Variants in RRP7A observed in about 807,000 individuals in gnomAD.
The protein encoded by RRP7A is ribosomal RNA-processing protein 7 homolog A.
RRP7A carries 27 observed loss-of-function variants against 38.4 expected under a neutral mutation model. The observed-to-expected ratio is 0.70, with a 90% CI of 0.52 to 0.97. The LOEUF (loss-of-function observed/expected upper bound fraction) is 0.97. Among genes scored for constraint, RRP7A ranks in the 50% least tolerant of loss-of-function variants. The probability of loss-of-function intolerance (pLI) is 0.00; values close to 1 mark genes in which losing one functional copy is unlikely to be tolerated. For missense variants in RRP7A, 327 were observed against 375.4 expected, an observed-to-expected ratio of 0.87 and a Z score of 1.07; for synonymous variants, 124 against 150.3, an observed-to-expected ratio of 0.83 and a Z score of 1.28.
intron 1 of RRP7A, among the ~76,000 whole-genome samples, chr22:42,519,395 G>T (rs1036437700): frequency 3.3e-5 from 5 of 152,200 alleles, no homozygotes; most frequent in African/African-American, 1.2e-4. Flanking sequence ...GAGGCGATGA[G>T]AAGGGGATGG....
chr22:42,519,515 G>A (rs1601809408), intron 1 of RRP7A, among the ~76,000 whole-genome samples, 199 bp downstream of exon 1: 1 of 152,126 alleles, frequency 6.6e-6, no homozygotes, highest in South Asian at 2.1e-4. Flanking sequence ...CTCGCCCCGG[G>A]AGAGTGAGCA....
At chr22:42,514,328 T>G in intron 5 of RRP7A, 24 bp from the exon 6 acceptor site, 1 of 1,498,314 alleles carries the variant, frequency 6.7e-7, no homozygotes, top group Non-Finnish European at 9.1e-7. Context: ...GATCCCATCC[T>G]CCGGTGGGAC....
rs7291176 is a variant in RRP7A at position 42,509,675 on chromosome 22, T to G, written c.*3235A>C. 6.6e-6 allele frequency among the ~76,000 whole-genome samples: 1 copy of G among 151,434 alleles called. No homozygotes were observed. Among genetic ancestry groups the G allele is most frequent in the African/African-American group, 2.4e-5 (1 of 41,128 alleles). On this transcript the variant is annotated 3_prime_UTR_variant, in exon 7 of 7. Coordinates refer to ENST00000323013, the MANE Select transcript of RRP7A (RefSeq NM_015703.5). ...CATAAAAAGAAACGAAGCACTGACATGGGCTCCAGCATGGATGAGCCTTGA... is the reference window on the plus strand; with the variant it reads ...CATAAAAAGAAACGAAGCACTGACAGGGGCTCCAGCATGGATGAGCCTTGA...
intron 1 of RRP7A, among the ~76,000 whole-genome samples, chr22:42,518,883 C>G (rs1326716474): frequency 6.6e-6 from 1 of 151,998 alleles, no homozygotes; most frequent in African/African-American, 2.4e-5. Flanking sequence ...GTTGCAATAA[C>G]GGAGAAGACA....
At chr22:42,516,397 C>G (rs1293115544) in intron 2 of RRP7A, 1 of 510,348 alleles carries the variant, frequency 2.0e-6, no homozygotes, top group Non-Finnish European at 3.7e-6. Context: ...GCAACCTCCA[C>G]CTTCGGGTTG....
chr22:42,518,240 C>T (rs1920936581), intron 1 of RRP7A, 93 bp from the exon 2 acceptor site: 13 of 1,034,514 alleles, frequency 1.3e-5, no homozygotes, highest in Non-Finnish European at 1.9e-5. Context: ...ACATCCCTGT[C>T]TAGTCCTATC....
intron 6 of RRP7A, 83 bp downstream of exon 6, chr22:42,514,023 G>A (rs556092282): frequency 1.1e-5 from 14 of 1,224,150 alleles, no homozygotes; most frequent in Middle Eastern, 2.4e-4. Flanking sequence ...TCCAGCGCCC[G>A]CCCTCAGGAG....
At chr22:42,516,284 C>T (rs1291264194) in intron 2 of RRP7A, 148 bp from the exon 3 acceptor site, 77 of 1,053,080 alleles carry the variant, frequency 7.3e-5, no homozygotes, top group Non-Finnish European at 1.0e-4. Context: ...CTGTGGGCAC[C>T]ATGGCCTCCG....
At chr22:42,517,708 C>T (rs576842638) in intron 2 of RRP7A, among the ~76,000 whole-genome samples, 251 of 152,210 alleles carry the variant, frequency 1.6e-3, no homozygotes, top group African/African-American at 5.5e-3. Context: ...TTAGTAGAGA[C>T]GGGATTTCAC....
intron 1 of RRP7A, chr22:42,518,517 C>T: frequency 2.3e-6 from 1 of 436,292 alleles, no homozygotes; most frequent in Non-Finnish European, 4.8e-6. Flanking sequence ...ACCATCTTCC[C>T]CCAGCACCTT....
chr22:42,515,936 G>A, intron 3 of RRP7A, 75 bp downstream of exon 3: 1 of 1,501,826 alleles, frequency 6.7e-7, no homozygotes, highest in South Asian at 1.3e-5. Context: ...ATGTCCCACT[G>A]CCAGCTCCCC....
chr22:42,517,019 T>C (rs1281390990), intron 2 of RRP7A, among the ~76,000 whole-genome samples: 1 of 152,156 alleles, frequency 6.6e-6, no homozygotes. Flanking sequence ...GGCTCACGCA[T>C]GTAATCCCAG....
intron 2 of RRP7A, among the ~76,000 whole-genome samples, chr22:42,517,016 G>A (rs1046830937): frequency 6.6e-6 from 1 of 152,070 alleles, no homozygotes; most frequent in Non-Finnish European, 1.5e-5. Context: ...GGTGGCTCAC[G>A]CATGTAATCC....
At chr22:42,518,705 CA>C (rs1316324506) in intron 1 of RRP7A, 1 of 470,830 alleles carries the variant, frequency 2.1e-6, no homozygotes, top group Non-Finnish European at 4.4e-6. Context: ...TGTGCCTTCA[CA>C]GCTTCTCTTA....
intron 2 of RRP7A, 55 bp from the exon 3 acceptor site, chr22:42,516,191 C>T (rs1254115834): frequency 6.2e-7 from 1 of 1,603,862 alleles, no homozygotes. Flanking sequence ...ATCCCAAAGC[C>T]TCCCTGCACC....
rs1302423206 is a variant in RRP7A at position 42,508,721 on chromosome 22, A to C, written c.*4189T>G. On this transcript the variant is annotated 3_prime_UTR_variant, in exon 7 of 7. Coordinates refer to ENST00000323013, the MANE Select transcript of RRP7A (RefSeq NM_015703.5). ...TAAAATCCAGGCCCAAAAGTGGCCCAACTCACTTCTCTGACTTTAATCACA... is the reference window on the plus strand; with the variant it reads ...TAAAATCCAGGCCCAAAAGTGGCCCCACTCACTTCTCTGACTTTAATCACA... Among the ~76,000 whole-genome samples the C allele has an allele frequency of 6.6e-6, 1 of 152,262 alleles. No homozygotes were observed. Among genetic ancestry groups the C allele is most frequent in the African/African-American group, 2.4e-5 (1 of 41,468 alleles).
At position 42,514,088 on chromosome 22, in the gene RRP7A, G is replaced by C; in HGVS notation, c.757+18C>G. 6.2e-7 allele frequency: 1 copy of C among 1,608,022 alleles called. No homozygotes were observed. The highest frequency in any genetic ancestry group is 8.5e-7 in the Non-Finnish European group (1 of 1,177,696). ...GGCCAAGGCCGAGGGGTCTGAGGAT[G>C]GACTGGGGGTGGCTTACGCTCCATC... On this transcript the variant is annotated intron_variant, in intron 6 of 6. Transcript: ENST00000323013.
Position 42,512,936 on chromosome 22 carries a change from C to A in RRP7A, c.817G>T (p.Ala273Ser). 1 of 1,613,568 alleles carries A rather than the reference C, an allele frequency of 6.2e-7. No individual in the cohort carries two copies. Among genetic ancestry groups the A allele is most frequent in the Non-Finnish European group, 8.5e-7 (1 of 1,179,766 alleles). Reference protein sequence around the residue: ...EDKQRIELLRAQRKFRPY With the variant: ...EDKQRIELLRSQRKFRPY ...CAGTACGGTCGGAATTTGCGCTGGG[C>A]CCGCAGCAGCTCGATCCTCTGCTTG... The change falls in exon 7 of 7, where the codon GCC (alanine) becomes TCC (serine). Residue 273 changes from alanine (A) to serine (S), a missense_variant. Coordinates refer to ENST00000323013, the MANE Select transcript of RRP7A (RefSeq NM_015703.5).
chr22:42,511,049 A>AT lies in RRP7A; in HGVS notation c.*1860dup, dbSNP rs1932443843. The AT allele has an allele frequency of 6.4e-6, 1 of 157,424 alleles. No homozygotes were observed. The highest frequency in any genetic ancestry group is 1.9e-4 in the South Asian group (1 of 5,188). 9.8% of individuals were successfully genotyped at this position (157,424 alleles called of 1,614,324 possible). ...CACATTTTTTGAGAGACAGGGTCTC[A>AT]TTCTGTTGCTCAGGCTCAGTCATAG... On this transcript the variant is annotated 3_prime_UTR_variant, in exon 7 of 7. Coordinates refer to ENST00000323013, the MANE Select transcript of RRP7A (RefSeq NM_015703.5).
Sources: allele counts gnomAD v4.1 joint callset (sites outside exome capture counted in the v4.1 genomes callset), GRCh38; gene constraint gnomAD v4.1.1; transcripts MANE v1.5; gene names NCBI Gene and HGNC (gene_info 2026-07-23, HGNC 2026-07-21).